PKN2: variants seen among roughly 807,000 people sequenced by gnomAD.
PKN2 encodes the protein serine/threonine-protein kinase N2.
PKN2 carries 38 observed loss-of-function variants against 119.1 expected under a neutral mutation model. The ratio of observed to expected loss-of-function variants is 0.32; its 90% CI spans 0.25 to 0.42. PKN2 has a LOEUF of 0.42. Among genes scored for constraint, PKN2 ranks in the 10% least tolerant of loss-of-function variants. The pLI, the probability that PKN2 is intolerant of heterozygous loss-of-function variation, is 1.00. For missense variants in PKN2, 850 were observed against 1,165.1 expected, an observed-to-expected ratio of 0.73 and a Z score of 3.94; for synonymous variants, 390 against 384.9, an observed-to-expected ratio of 1.01 and a Z score of -0.15.
At chr1:88,817,599 TCAGGAGG>T (rs1376128448) in intron 16 of PKN2, among the ~76,000 whole-genome samples, 8 of 149,026 alleles carry the variant, frequency 5.4e-5, no homozygotes, top group East Asian at 4.0e-4. Flanking sequence ...TCTCGGCTGC[TCAGGAGG>T]CAGGAGGCAG....
intron 2 of PKN2, among the ~76,000 whole-genome samples, chr1:88,759,125 G>A (rs1367739499): frequency 3.3e-5 from 5 of 152,216 alleles, no homozygotes; most frequent in African/African-American, 9.6e-5. Flanking sequence ...AGCACTTTGG[G>A]AGGCCAAGGC....
At chr1:88,774,594 A>G (rs866269572) in intron 6 of PKN2, among the ~76,000 whole-genome samples, 15 of 152,060 alleles carry the variant, frequency 9.9e-5, no homozygotes, top group Admixed American at 3.9e-4. Flanking sequence ...ATATACAACA[A>G]AAGGGCTTAT....
At chr1:88,763,086 A>G (rs186714131) in intron 3 of PKN2, among the ~76,000 whole-genome samples, 8 of 152,300 alleles carry the variant, frequency 5.3e-5, no homozygotes, top group Admixed American at 1.3e-4. Context: ...GTTTGGGAAA[A>G]GTTCTCCAGG....
chr1:88,785,996 C>A, intron 7 of PKN2, 108 bp from the exon 8 acceptor site: 1 of 615,636 alleles, frequency 1.6e-6, no homozygotes. Flanking sequence ...TTATGAAAAA[C>A]TTTATTTTCA....
chr1:88,793,826 A>C (rs1325439863), intron 8 of PKN2, among the ~76,000 whole-genome samples: 1 of 152,176 alleles, frequency 6.6e-6, no homozygotes, highest in Non-Finnish European at 1.5e-5. Context: ...TTGTTTAGGG[A>C]ATATTGACAA....
At chr1:88,747,306 C>G (rs1254158985) in intron 2 of PKN2, among the ~76,000 whole-genome samples, 1 of 152,048 alleles carries the variant, frequency 6.6e-6, no homozygotes, top group Non-Finnish European at 1.5e-5. Flanking sequence ...TGATAGATAC[C>G]TTAGCCTAAT....
At chr1:88,748,890 A>G (rs1034242597) in intron 2 of PKN2, among the ~76,000 whole-genome samples, 3 of 152,154 alleles carry the variant, frequency 2.0e-5, no homozygotes. Context: ...AGCCATGATC[A>G]TGCCACTCCA....
chr1:88,801,111 C>G (rs1275947959), intron 8 of PKN2, among the ~76,000 whole-genome samples: 1 of 152,156 alleles, frequency 6.6e-6, no homozygotes, highest in African/African-American at 2.4e-5. Context: ...GGGCCAGGCA[C>G]AGTGGCTCAC....
chr1:88,806,899 G>C (rs924269891), intron 12 of PKN2, among the ~76,000 whole-genome samples: 8 of 151,768 alleles, frequency 5.3e-5, no homozygotes, highest in African/African-American at 1.9e-4. Context: ...TGTATTTTTA[G>C]TAGAGATAGG....
At chr1:88,832,675 C>G in intron 19 of PKN2, 69 bp from the exon 20 acceptor site, 1 of 780,506 alleles carries the variant, frequency 1.3e-6, no homozygotes, top group Non-Finnish European at 2.1e-6. Flanking sequence ...CTTGGTTGTA[C>G]TTTGAATGGG....
chr1:88,805,289 A>C (rs1479148771), intron 10 of PKN2, among the ~76,000 whole-genome samples: 1 of 152,190 alleles, frequency 6.6e-6, no homozygotes, highest in Non-Finnish European at 1.5e-5. Context: ...AGAGAAAAAA[A>C]CAATTTCTTA....
intron 8 of PKN2, among the ~76,000 whole-genome samples, chr1:88,793,160 T>A (rs1253107785): frequency 2.0e-5 from 3 of 152,208 alleles, no homozygotes; most frequent in Admixed American, 2.0e-4. Flanking sequence ...TGATGTTTGT[T>A]TATATTTCTC....
chr1:88,796,130 C>G (rs1217941885), intron 8 of PKN2, among the ~76,000 whole-genome samples: 1 of 152,162 alleles, frequency 6.6e-6, no homozygotes, highest in Non-Finnish European at 1.5e-5. Flanking sequence ...ATCTGAAATA[C>G]TTGGGACCAG....
chr1:88,788,088 A>G (rs1570630981), intron 8 of PKN2, among the ~76,000 whole-genome samples: 1 of 152,228 alleles, frequency 6.6e-6, no homozygotes, highest in Non-Finnish European at 1.5e-5. Flanking sequence ...TTTGCCTCAT[A>G]TGTCAACTTT....
chr1:88,829,692 A>G (rs79666090), intron 19 of PKN2, among the ~76,000 whole-genome samples: 1,703 of 152,310 alleles, frequency 0.011, 14 homozygotes, highest in South Asian at 0.019. Flanking sequence ...ATTGAAGATT[A>G]CTTGAAGGGA....
chr1:88,804,877 G>T lies in PKN2; in HGVS notation c.1457G>T (p.Arg486Ile). Residue 486 changes from arginine (R) to isoleucine (I), a missense_variant, in exon 10 of 22, where the codon AGA becomes ATA. Physicochemically the swap from Arg to Ile is moderately conservative, Grantham distance 97. Coordinates refer to ENST00000370521, the MANE Select transcript of PKN2 (RefSeq NM_006256.4). ...TTTTTTAATCCAGTTATTGAAAGAA[G>T]ACCAAAACTTCAAAGACAAAAGAAA... ...VTFFNPVIER[R>I]PKLQRQKKIF... 1 of 1,577,870 alleles carries T rather than the reference G, an allele frequency of 6.3e-7. No homozygotes were observed. Among genetic ancestry groups the T allele is most frequent in the South Asian group, 1.1e-5 (1 of 87,506 alleles).
intron 1 of PKN2, among the ~76,000 whole-genome samples, chr1:88,690,791 C>T (rs560390463): frequency 1.3e-5 from 2 of 152,150 alleles, no homozygotes; most frequent in African/African-American, 4.8e-5. Context: ...AAGCATGGGA[C>T]AGTGTACTTG....
At chr1:88,697,503 C>T (rs1156976523) in intron 1 of PKN2, among the ~76,000 whole-genome samples, 1 of 152,096 alleles carries the variant, frequency 6.6e-6, no homozygotes, top group African/African-American at 2.4e-5. Flanking sequence ...AAGTGTGGGC[C>T]TTCATTATCA....
intron 6 of PKN2, among the ~76,000 whole-genome samples, chr1:88,780,396 C>T (rs1670289087): frequency 6.6e-6 from 1 of 152,050 alleles, no homozygotes; most frequent in African/African-American, 2.4e-5. Context: ...ACTGAGAAAG[C>T]TTGGGAACCT....
Sources: gnomAD v4.1 joint callset for allele counts (sites outside exome capture counted in the v4.1 genomes callset) on GRCh38, gnomAD v4.1.1 for gene constraint, MANE v1.5 for transcripts, NCBI Gene and HGNC (gene_info 2026-07-23, HGNC 2026-07-21) for gene names.